UNC13B: variants seen among roughly 807,000 people sequenced by gnomAD.
UNC13B encodes the protein unc-13 homolog B, also known as protein unc-13 homolog B.
In UNC13B, 144 loss-of-function variants were observed where a neutral mutation model predicts 211.0. The ratio of observed to expected loss-of-function variants is 0.68; its 90% CI spans 0.60 to 0.78. The LOEUF is 0.78. Ranked by LOEUF, UNC13B falls within the 30% of genes least tolerant of loss-of-function variation. The pLI is 0.00. For missense variants in UNC13B, 1,777 were observed against 2,002.0 expected, an observed-to-expected ratio of 0.89 and a Z score of 2.14; for synonymous variants, 709 against 725.8, an observed-to-expected ratio of 0.98 and a Z score of 0.37.
intron 1 of UNC13B, among the ~76,000 whole-genome samples, chr9:35,214,239 CTA>C (rs1824130166): frequency 6.6e-6 from 1 of 152,104 alleles, no homozygotes; most frequent in South Asian, 2.1e-4. Flanking sequence ...ACCATCCTGA[CTA>C]ACACAATAAA....
rs1306111741 is a variant in UNC13B, at chr9:35,380,541, TA to T, written c.10280del (p.Lys3427SerfsTer4). 3 of 1,614,004 alleles carry T rather than the reference TA, an allele frequency of 1.9e-6. No homozygotes were observed. Among genetic ancestry groups the T allele is most frequent in the Non-Finnish European group, 2.5e-6 (3 of 1,180,014 alleles). On this transcript the variant is annotated frameshift_variant, in exon 18 of 40. Coordinates refer to ENST00000635942, the MANE Select transcript of UNC13B (RefSeq NM_001371189.2). LOFTEE classifies it high-confidence loss of function. ...GAGGATGATGACATCAAGTCAAGAG[TA>T]AAGCAACGCCTAAAGCGAGAGTCTG... ...WDEDDDIKSRVKQRLKRESDD... is the reference protein window; with the variant it reads ...WDEDDDIKSRXKQRLKRESDD...
At position 35,183,335 on chromosome 9, in the gene UNC13B, G is replaced by A. The variant is rs532954273; in HGVS notation, c.22+21030G>A. On this transcript the variant is annotated intron_variant, in intron 1 of 39. Transcript: ENST00000635942. ...CCAGGCGGGGCAGCCGGGCAGAGGCGCCCCTCACCTCCCAGGCGGGGCGGC... is the reference window on the plus strand; with the variant it reads ...CCAGGCGGGGCAGCCGGGCAGAGGCACCCCTCACCTCCCAGGCGGGGCGGC... Among the ~76,000 whole-genome samples the A allele has an allele frequency of 3.0e-4, 40 of 133,158 alleles. 10 individuals carry two copies. Among genetic ancestry groups the A allele is most frequent in the African/African-American group, 9.8e-4 (34 of 34,632 alleles). The allele number at this position is 133,158 out of a possible 152,430, so 87.4% of individuals were successfully genotyped here.
chr9:35,183,381 C>T (rs1350952080), intron 1 of UNC13B, among the ~76,000 whole-genome samples: 10 of 117,922 alleles, frequency 8.5e-5, no homozygotes, highest in East Asian at 3.0e-4. Flanking sequence ...CGCTCCTCAC[C>T]TCCCAGACGG....
At chr9:35,342,553 ACCAT>A (rs955475553) in intron 11 of UNC13B, among the ~76,000 whole-genome samples, 1 of 152,124 alleles carries the variant, frequency 6.6e-6, no homozygotes, top group African/African-American at 2.4e-5. Context: ...TGATAATCTG[ACCAT>A]CCATTCCTCT....
intron 24 of UNC13B, among the ~76,000 whole-genome samples, chr9:35,388,923 C>T (rs1835353428): frequency 6.6e-6 from 1 of 152,110 alleles, no homozygotes; most frequent in Non-Finnish European, 1.5e-5. Context: ...ATGATAAGAG[C>T]CTGAGCCAGG....
chr9:35,229,397 T>G (rs1825066976), intron 2 of UNC13B, among the ~76,000 whole-genome samples: 1 of 152,214 alleles, frequency 6.6e-6, no homozygotes, highest in Non-Finnish European at 1.5e-5. Flanking sequence ...CTCTGTTGTT[T>G]CTCTCCCAGC....
intron 6 of UNC13B, among the ~76,000 whole-genome samples, chr9:35,245,637 G>A (rs1311527771): frequency 6.6e-6 from 1 of 151,704 alleles, no homozygotes; most frequent in South Asian, 2.1e-4. Context: ...TGCTGAGAAT[G>A]ATGGTTTCCA....
rs1046939046 is a variant in UNC13B at position 35,243,347 on chromosome 9, T to C, written c.451T>C (p.Leu151=). Residue 151 remains leucine (L), a synonymous_variant, in exon 6 of 40, where the codon TTG becomes CTG. Transcript: ENST00000635942. The part of the protein sequence containing the change: ...WTYKWEQINA[L]GADNEYSSQE... ...CTACAAATGGGAGCAAATCAATGCC[T>C]TGGGAGCTGACAATGAGGTAGGAGC... The C allele has an allele frequency of 2.5e-6, 4 of 1,613,404 alleles. No homozygotes were observed. The African/African-American group carries it at 5.3e-5, about 22-fold the overall frequency.
At chr9:35,251,406 G>A (rs959675467) in intron 6 of UNC13B, among the ~76,000 whole-genome samples, 40 of 152,098 alleles carry the variant, frequency 2.6e-4, no homozygotes, top group African/African-American at 8.9e-4. Context: ...GACCAACATG[G>A]TGAAAACCCG....
intron 1 of UNC13B, among the ~76,000 whole-genome samples, chr9:35,217,144 C>A (rs542319850): frequency 6.6e-6 from 1 of 152,274 alleles, no homozygotes; most frequent in Admixed American, 6.5e-5. Context: ...CAGAACTACG[C>A]ACACACATCA....
At position 35,385,751 on chromosome 9, in the gene UNC13B, C is replaced by A; in HGVS notation, c.10903C>A (p.Arg3635=). The change falls in exon 23 of 40, where the codon CGG becomes AGG. Residue 3635 remains arginine (R), a synonymous_variant. Transcript: ENST00000635942. ...RNNFPAGSPE[R]LQDLKSTVDL... is the part of the protein sequence containing the mutation. ...TAATTTCCCTGCTGGGAGTCCTGAA[C>A]GGCTTCAGGACTTAAAATCCACAGT... The A allele has an allele frequency of 6.2e-7, 1 of 1,607,946 alleles. No homozygotes were observed. The highest frequency in any genetic ancestry group is 8.5e-7 in the Non-Finnish European group (1 of 1,174,954).
intron 1 of UNC13B, among the ~76,000 whole-genome samples, chr9:35,196,829 A>G (rs2131360347): frequency 6.6e-6 from 1 of 152,236 alleles, no homozygotes; most frequent in East Asian, 1.9e-4. Flanking sequence ...GGAGTGCAGT[A>G]GTACGATCAT....
At chr9:35,271,639 C>T (rs1827887685) in intron 7 of UNC13B, among the ~76,000 whole-genome samples, 1 of 152,174 alleles carries the variant, frequency 6.6e-6, no homozygotes, top group South Asian at 2.1e-4. Flanking sequence ...ATATTTCTAC[C>T]TATATCTTGT....
intron 13 of UNC13B, among the ~76,000 whole-genome samples, chr9:35,374,354 G>A (rs1219301869): frequency 2.4e-5 from 3 of 125,554 alleles, no homozygotes; most frequent in African/African-American, 3.5e-5. Flanking sequence ...CATATACATC[G>A]GGCCCTGTGC....
At chr9:35,398,339 C>T in intron 31 of UNC13B, 51 bp downstream of exon 31, 2 of 1,577,874 alleles carry the variant, frequency 1.3e-6, no homozygotes, top group Non-Finnish European at 1.7e-6. Flanking sequence ...TTCCTGAGCT[C>T]CTTGGCCATA....
Position 35,236,484 on chromosome 9 carries a change from G to C in UNC13B, c.168G>C (p.Leu56=). The change falls in exon 4 of 40, where the codon CTG becomes CTC. Residue 56 remains leucine (L), a synonymous_variant. Transcript: ENST00000635942. ...EQDFMFEISR[L]DLGLSVEVWN... ...TTTCCCTTAGTGAGATTAGTCGCCT[G>C]GACCTGGGTCTAAGTGTGGAGGTAT... The C allele has an allele frequency of 5.0e-6, 8 of 1,614,020 alleles. No individual in the cohort carries two copies. The highest frequency in any genetic ancestry group is 6.8e-6 in the Non-Finnish European group (8 of 1,179,926).
chr9:35,211,045 A>C (rs1823939842), intron 1 of UNC13B, among the ~76,000 whole-genome samples: 1 of 152,136 alleles, frequency 6.6e-6, no homozygotes, highest in Non-Finnish European at 1.5e-5. Flanking sequence ...GAAGTTTTAA[A>C]ATTGTTTTTG....
intron 8 of UNC13B, among the ~76,000 whole-genome samples, chr9:35,299,453 T>C (rs1829563421): frequency 6.6e-6 from 1 of 152,222 alleles, no homozygotes. Flanking sequence ...TTTCGTTTTC[T>C]TGAAATCCCT....
At chr9:35,317,943 A>G (rs1049061967) in intron 11 of UNC13B, among the ~76,000 whole-genome samples, 1 of 152,184 alleles carries the variant, frequency 6.6e-6, no homozygotes, top group Non-Finnish European at 1.5e-5. Flanking sequence ...CTTCCTATAA[A>G]GCAAAGCAAA....
Sources: allele counts gnomAD v4.1 joint callset (sites outside exome capture counted in the v4.1 genomes callset), GRCh38; gene constraint gnomAD v4.1.1; transcripts MANE v1.5; gene names NCBI Gene and HGNC (gene_info 2026-07-23, HGNC 2026-07-21).